FAF1: variants seen among roughly 807,000 people sequenced by gnomAD.
FAF1 encodes the protein Fas associated factor 1.
Under a neutral mutation model 92.5 loss-of-function variants are expected in FAF1, and 25 were observed. That is an observed-to-expected ratio of 0.27 (90% CI 0.20 to 0.38). FAF1 has a LOEUF of 0.38. Ranked by LOEUF, FAF1 falls within the 10% of genes least tolerant of loss-of-function variation. The probability of loss-of-function intolerance (pLI) is 1.00; values close to 1 mark genes in which losing one functional copy is unlikely to be tolerated. For synonymous variants in FAF1, 234 were observed against 273.2 expected (o/e 0.86, Z 1.42); for missense variants, 636 against 793.3 (o/e 0.80, Z 2.38).
At chr1:50,919,108 T>G (rs561412979) in intron 1 of FAF1, among the ~76,000 whole-genome samples, 1 of 152,358 alleles carries the variant, frequency 6.6e-6, no homozygotes, top group South Asian at 2.1e-4. Flanking sequence ...TGTTTTATAC[T>G]CTTTAACAAA....
In FAF1 at chr1:50,494,513, T is replaced by G. The variant is rs184131335; in HGVS notation, c.1495-2712A>C. Among the ~76,000 whole-genome samples the G allele has an allele frequency of 2.5e-3, 375 of 152,352 alleles. 1 individual carries two copies. The highest frequency in any genetic ancestry group is 8.8e-3 in the African/African-American group (364 of 41,588). On this transcript the variant is annotated intron_variant, in intron 15 of 18. Coordinates refer to ENST00000396153, the MANE Select transcript of FAF1 (RefSeq NM_007051.3). The stretch of plus-strand genomic sequence containing the variant: ...AGATTCAGAAACAGGTCTTACGTGT[T>G]GCCTAGGCTATGGCTTGGGCTACTT...
Position 50,673,293 on chromosome 1 carries a change from T to C in FAF1, c.658-17765A>G, listed in dbSNP as rs556244352. ...AGAAAAGAAAAAAGAAAATGCATAA[T>C]GTATTGCTAATAAAGGACTAGAATA... On this transcript the variant is annotated intron_variant, in intron 7 of 18. Transcript: ENST00000396153. Among the ~76,000 whole-genome samples, 4 of 151,528 alleles carry C rather than the reference T, an allele frequency of 2.6e-5. No homozygotes were observed. In the South Asian group the frequency reaches 8.3e-4, roughly 32 times the overall value.
chr1:50,705,670 A>G (rs1322700289), intron 7 of FAF1, 116 bp downstream of exon 7: 1 of 548,142 alleles, frequency 1.8e-6, no homozygotes, highest in Non-Finnish European at 3.3e-6. Context: ...AAATTTAAGA[A>G]CCCAATAATG....
chr1:50,696,676 TGAACTCTAAGTACAAACA>T (rs1657245362), intron 7 of FAF1, among the ~76,000 whole-genome samples: 2 of 152,308 alleles, frequency 1.3e-5, no homozygotes, highest in South Asian at 4.1e-4. Flanking sequence ...AATTCTATTT[TGAACTCTAAGTACAAACA>T]GAATTGGTTT....
chr1:50,624,984 C>T (rs1653429189), intron 8 of FAF1, among the ~76,000 whole-genome samples: 1 of 151,318 alleles, frequency 6.6e-6, no homozygotes, highest in Non-Finnish European at 1.5e-5. Context: ...TCACTGAACC[C>T]TCCGCCTCCC....
At chr1:50,595,583 C>G (rs1269456789) in intron 9 of FAF1, among the ~76,000 whole-genome samples, 2 of 152,146 alleles carry the variant, frequency 1.3e-5, no homozygotes, top group East Asian at 3.9e-4. Flanking sequence ...CATGCTGTTG[C>G]TTAGGCTGGA....
intron 8 of FAF1, among the ~76,000 whole-genome samples, chr1:50,617,033 G>A (rs1056353471): frequency 6.6e-6 from 1 of 152,114 alleles, no homozygotes; most frequent in Admixed American, 6.6e-5. Flanking sequence ...TCAGTTCTAG[G>A]AGCTTCTGGC....
chr1:50,491,445 T>G (rs1411906181), intron 16 of FAF1, among the ~76,000 whole-genome samples: 2 of 152,210 alleles, frequency 1.3e-5, no homozygotes, highest in Non-Finnish European at 2.9e-5. Context: ...CCTAAAGAGC[T>G]TTCCAAAAAT....
chr1:50,690,900 T>C (rs1380394153), intron 7 of FAF1, among the ~76,000 whole-genome samples: 3 of 152,250 alleles, frequency 2.0e-5, no homozygotes, highest in Non-Finnish European at 2.9e-5. Context: ...CATTGTCATA[T>C]GTATCTGTAT....
chr1:50,697,633 G>T (rs754578806), intron 7 of FAF1, among the ~76,000 whole-genome samples: 22 of 152,090 alleles, frequency 1.4e-4, no homozygotes, highest in Non-Finnish European at 2.9e-4. Flanking sequence ...AACAATGCCG[G>T]CTTTGCAATG....
At chr1:50,765,953 G>A (rs557630250) in intron 4 of FAF1, among the ~76,000 whole-genome samples, 11 of 152,060 alleles carry the variant, frequency 7.2e-5, no homozygotes, top group Admixed American at 6.6e-5. Context: ...TTAGCTGGGC[G>A]TGGTAGCGGG....
At chr1:50,943,878 A>G (rs1216730642) in intron 1 of FAF1, among the ~76,000 whole-genome samples, 6 of 152,244 alleles carry the variant, frequency 3.9e-5, no homozygotes, top group Non-Finnish European at 8.8e-5. Flanking sequence ...ACATCGGAAA[A>G]GAGAGGGTTG....
intron 8 of FAF1, among the ~76,000 whole-genome samples, chr1:50,617,581 T>G (rs992324661): frequency 2.6e-5 from 4 of 152,164 alleles, no homozygotes. Context: ...TGCATCTTTG[T>G]TCATCAGAGA....
At chr1:50,751,601 C>T (rs371814689) in intron 4 of FAF1, among the ~76,000 whole-genome samples, 1 of 152,184 alleles carries the variant, frequency 6.6e-6, no homozygotes, top group East Asian at 1.9e-4. Context: ...CTCAGCCTCC[C>T]AAAGTGCTGG....
At chr1:50,695,084 A>G (rs947401726) in intron 7 of FAF1, among the ~76,000 whole-genome samples, 8 of 152,198 alleles carry the variant, frequency 5.3e-5, no homozygotes, top group African/African-American at 1.7e-4. Flanking sequence ...AGCTCTAGTT[A>G]CACATAGATT....
At chr1:50,581,106 C>T (rs922879520) in intron 12 of FAF1, among the ~76,000 whole-genome samples, 2 of 152,100 alleles carry the variant, frequency 1.3e-5, no homozygotes, top group African/African-American at 4.8e-5. Flanking sequence ...TTTATGAACA[C>T]CATAAACATA....
intron 12 of FAF1, among the ~76,000 whole-genome samples, chr1:50,569,809 T>A (rs1406679335): frequency 6.6e-6 from 1 of 152,136 alleles, no homozygotes; most frequent in East Asian, 1.9e-4. Context: ...CAAACACACA[T>A]GTGCCGAAGA....
chr1:50,785,610 C>CA (rs201585272), intron 4 of FAF1, among the ~76,000 whole-genome samples: 3,314 of 103,944 alleles, frequency 0.032, 96 homozygotes, highest in African/African-American at 0.1. Flanking sequence ...GGCTACTATA[C>CA]AAAAAAAAAA....
At chr1:50,595,438 GCA>G (rs1651751619) in intron 9 of FAF1, among the ~76,000 whole-genome samples, 1 of 152,132 alleles carries the variant, frequency 6.6e-6, no homozygotes, top group African/African-American at 2.4e-5. Context: ...AAGATATTAA[GCA>G]CAGTGTCTGC....
Sources: gnomAD v4.1 joint callset for allele counts (sites outside exome capture counted in the v4.1 genomes callset) on GRCh38, gnomAD v4.1.1 for gene constraint, MANE v1.5 for transcripts, NCBI Gene and HGNC (gene_info 2026-07-23, HGNC 2026-07-21) for gene names.